Variants in FAM163B observed in about 807,000 individuals in gnomAD.
FAM163B encodes the protein family with sequence similarity 163 member B.
FAM163B carries 4 observed loss-of-function variants against 7.6 expected under a neutral mutation model. That is an observed-to-expected ratio of 0.52 (90% confidence interval 0.26 to 1.20). FAM163B has a LOEUF of 1.20. Among genes scored for constraint, FAM163B ranks in the 50% most tolerant of loss-of-function variants. FAM163B has a pLI of 0.14. For synonymous variants in FAM163B, 120 were observed against 111.6 expected, an observed-to-expected ratio of 1.07 and a Z score of -0.47; for missense variants, 250 against 243.0, an observed-to-expected ratio of 1.03 and a Z score of -0.19.
chr9:133,595,669 C>G (rs1037546498), intron 1 of FAM163B, among the ~76,000 whole-genome samples: 1 of 152,174 alleles, frequency 6.6e-6, no homozygotes, highest in African/African-American at 2.4e-5. Flanking sequence ...TCCACCCGTT[C>G]CCATTCCACC....
chr9:133,598,749 G>A (rs1274372377), intron 1 of FAM163B, among the ~76,000 whole-genome samples: 1 of 152,180 alleles, frequency 6.6e-6, no homozygotes, highest in Non-Finnish European at 1.5e-5. Flanking sequence ...AGAGCAGCCT[G>A]AGAGTTAGAG....
At chr9:133,590,848 G>A (rs1039204483) in intron 1 of FAM163B, among the ~76,000 whole-genome samples, 1 of 152,244 alleles carries the variant, frequency 6.6e-6, no homozygotes, top group Non-Finnish European at 1.5e-5. Flanking sequence ...CGACAGAACA[G>A]CATTCTCGGT....
At position 133,578,043 on chromosome 9, in the gene FAM163B, C is replaced by T. The variant is rs10122343; in HGVS notation, c.*979G>A. Among the ~76,000 whole-genome samples, 108,887 of 151,902 alleles carry T rather than the reference C, an allele frequency of 0.72. 39,248 individuals carry two copies. Among genetic ancestry groups the T allele is most frequent in the Middle Eastern group, 0.8 (235 of 294 alleles). The stretch of plus-strand genomic sequence containing the variant: ...TGGGGATCTCAGTTCCTGTTGAGAC[C>T]CACAGCCTGAAGACCTCTGTCCTCA... On this transcript the variant is annotated 3_prime_UTR_variant, in exon 3 of 3. Transcript: ENST00000673969.
At position 133,606,034 on chromosome 9, in the gene FAM163B, G is replaced by A. The variant is rs1328199749; in HGVS notation, c.-24+3043C>T. Among the ~76,000 whole-genome samples the A allele has an allele frequency of 1.3e-5, 2 of 152,176 alleles. No homozygotes were observed. The highest frequency in any genetic ancestry group is 2.9e-5 in the Non-Finnish European group (2 of 68,034). On this transcript the variant is annotated intron_variant, in intron 1 of 2. Coordinates refer to ENST00000673969, the MANE Select transcript of FAM163B (RefSeq NM_001080515.3). This position sits in a 1 kb window ranked among gnomAD's most constrained non-coding sequence, Gnocchi z 4.0. ...TGGTTCCTGTGGACTGCGGCGGAAAGCCCAACCACTGAGCAGGGCTTACAA... is the reference window on the plus strand; with the variant it reads ...TGGTTCCTGTGGACTGCGGCGGAAAACCCAACCACTGAGCAGGGCTTACAA...
intron 1 of FAM163B, among the ~76,000 whole-genome samples, chr9:133,596,686 C>T (rs377089076): frequency 7.9e-5 from 12 of 152,128 alleles, no homozygotes; most frequent in East Asian, 7.7e-4. Flanking sequence ...CCAAAGTAGC[C>T]GGAGGTCACA....
In FAM163B at chr9:133,579,010, G is replaced by A. The variant is rs778935577; in HGVS notation, c.*12C>T. 1.7e-5 allele frequency: 26 copies of A among 1,493,524 alleles called. 1 individual carries two copies. In the South Asian group the frequency reaches 2.9e-4, roughly 17 times the overall value. The allele number at this position is 1,493,524 out of a possible 1,614,324, so 92.5% of individuals were successfully genotyped here. ...GGACCTTCAAGGCCAGGATCCCGGGGGCGGGCCCAGGTCACACGTCGGTGC... is the reference window on the plus strand; with the variant it reads ...GGACCTTCAAGGCCAGGATCCCGGGAGCGGGCCCAGGTCACACGTCGGTGC... On this transcript the variant is annotated 3_prime_UTR_variant, in exon 3 of 3. Transcript: ENST00000673969.
At position 133,579,030 on chromosome 9, in the gene FAM163B, C is replaced by A. The variant is rs1027102743; in HGVS notation, c.493G>T (p.Asp165Tyr). 5 of 1,541,794 alleles carry A rather than the reference C, an allele frequency of 3.2e-6. No homozygotes were observed. Among genetic ancestry groups the A allele is most frequent in the Admixed American group, 2.0e-5 (1 of 50,588 alleles). Residue 165 changes from aspartate (D) to tyrosine (Y), a missense_variant, in exon 3 of 3, where the codon GAC (aspartate) becomes TAC (tyrosine). Transcript: ENST00000673969. ...CCGGGGGCGGGCCCAGGTCACACGT[C>A]GGTGCTGATGCTGCGGCTCCTGGCG... ...AFARSRSIST[D>Y]V
chr9:133,605,193 A>G (rs1831775249), intron 1 of FAM163B, among the ~76,000 whole-genome samples: 2 of 152,216 alleles, frequency 1.3e-5, no homozygotes, highest in Non-Finnish European at 2.9e-5. Flanking sequence ...CTCTTCTCCC[A>G]GTCTGCTGGC....
At chr9:133,595,352 G>T (rs915549602) in intron 1 of FAM163B, among the ~76,000 whole-genome samples, 1 of 152,184 alleles carries the variant, frequency 6.6e-6, no homozygotes, top group Non-Finnish European at 1.5e-5. Context: ...TGCCATGTTG[G>T]CCAGGCTGTC....
Position 133,579,132 on chromosome 9 carries a change from C to T in FAM163B, c.391G>A (p.Val131Met), listed in dbSNP as rs749785225. The T allele has an allele frequency of 1.6e-4, 265 of 1,608,982 alleles. No homozygotes were observed. The highest frequency in any genetic ancestry group is 2.1e-4 in the Non-Finnish European group (252 of 1,179,706). ...CCGAAGCCCCCCGGGGGCAGCTCCA[C>T]GTCCTCCTGGCTCACGCTCTTGTAG... ...VLYKSVSQEDVELPPGGFGGL... is the reference protein window; with the variant it reads ...VLYKSVSQEDMELPPGGFGGL... The change falls in exon 3 of 3, where the codon GTG becomes ATG. Residue 131 changes from valine to methionine, a missense_variant. Transcript: ENST00000673969.
At chr9:133,590,632 ACT>A (rs1297495249) in intron 1 of FAM163B, among the ~76,000 whole-genome samples, 1 of 152,112 alleles carries the variant, frequency 6.6e-6, no homozygotes, top group Non-Finnish European at 1.5e-5. Context: ...GCCCTCGCTG[ACT>A]CAGCCTTACG....
At position 133,606,437 on chromosome 9, in the gene FAM163B, C is replaced by A. The variant is rs1345096728; in HGVS notation, c.-24+2640G>T. 1.3e-5 allele frequency among the ~76,000 whole-genome samples: 2 copies of A among 152,218 alleles called. No individual in the cohort carries two copies. Among genetic ancestry groups the A allele is most frequent in the African/African-American group, 4.8e-5 (2 of 41,448 alleles). On this transcript the variant is annotated intron_variant, in intron 1 of 2. Coordinates refer to ENST00000673969, the MANE Select transcript of FAM163B (RefSeq NM_001080515.3). The surrounding 1 kb of genome is among the most constrained non-coding windows in gnomAD (Gnocchi z 4.0). ...CAGTGCCAAGTGTGGCAGCAGCTGGCAGAGAAGCCCCCCAGCCCCACCCTG... is the reference window on the plus strand; with the variant it reads ...CAGTGCCAAGTGTGGCAGCAGCTGGAAGAGAAGCCCCCCAGCCCCACCCTG...
In FAM163B at chr9:133,592,005, G is replaced by A. The variant is rs139305014; in HGVS notation, c.-23-11759C>T. Among the ~76,000 whole-genome samples the A allele has an allele frequency of 3.3e-3, 500 of 152,262 alleles. 4 individuals carry two copies. Among genetic ancestry groups the A allele is most frequent in the African/African-American group, 0.011 (475 of 41,530 alleles). On this transcript the variant is annotated intron_variant, in intron 1 of 2. Coordinates refer to ENST00000673969, the MANE Select transcript of FAM163B (RefSeq NM_001080515.3). ...GCCTCGCCTTCTCCAGGAAGCCTGC[G>A]TGACCTCCCTAGTGCTCGCGGCCTG...
At chr9:133,587,405 C>T (rs1359391362) in intron 1 of FAM163B, among the ~76,000 whole-genome samples, 3 of 152,116 alleles carry the variant, frequency 2.0e-5, no homozygotes, top group African/African-American at 7.2e-5. Flanking sequence ...AGGTGATTGT[C>T]CCCCCCTGGC....
chr9:133,584,156 C>G (rs1299770306), intron 1 of FAM163B, among the ~76,000 whole-genome samples: 3 of 152,154 alleles, frequency 2.0e-5, no homozygotes, highest in Non-Finnish European at 2.9e-5. Context: ...CTTCAAACGC[C>G]AGAGCTGAGA....
intron 1 of FAM163B, among the ~76,000 whole-genome samples, chr9:133,594,336 C>T (rs1831600262): frequency 6.6e-6 from 1 of 152,156 alleles, no homozygotes; most frequent in African/African-American, 2.4e-5. Flanking sequence ...GCCCCAATGC[C>T]CTTTAGACTT....
chr9:133,606,803 G>C lies in FAM163B; in HGVS notation c.-24+2274C>G, dbSNP rs1305221206. On this transcript the variant is annotated intron_variant, in intron 1 of 2. Coordinates refer to ENST00000673969, the MANE Select transcript of FAM163B (RefSeq NM_001080515.3). This position sits in a 1 kb window ranked among gnomAD's most constrained non-coding sequence, Gnocchi z 4.0. ...TTTAGAGTCAGAGGTAATTGACTGAGATGTAATACATCTCTCCCCTCCCGA... is the reference window on the plus strand; with the variant it reads ...TTTAGAGTCAGAGGTAATTGACTGACATGTAATACATCTCTCCCCTCCCGA... Among the ~76,000 whole-genome samples the C allele has an allele frequency of 6.6e-6, 1 of 152,164 alleles. No individual in the cohort carries two copies. The highest frequency in any genetic ancestry group is 2.4e-5 in the African/African-American group (1 of 41,442).
intron 1 of FAM163B, among the ~76,000 whole-genome samples, chr9:133,589,555 G>A (rs1478936497): frequency 6.6e-6 from 1 of 152,070 alleles, no homozygotes; most frequent in Non-Finnish European, 1.5e-5. Flanking sequence ...CCCTGCATCA[G>A]ACCTAAGCCC....
intron 1 of FAM163B, among the ~76,000 whole-genome samples, chr9:133,597,959 C>T (rs564988281): frequency 6.6e-6 from 1 of 152,284 alleles, no homozygotes; most frequent in East Asian, 1.9e-4. Context: ...CTAGACTTGT[C>T]CAGGGGACAG....
Sources: allele counts gnomAD v4.1 joint callset (sites outside exome capture counted in the v4.1 genomes callset), GRCh38; gene constraint gnomAD v4.1.1; non-coding constraint Gnocchi (gnomAD v3.1); transcripts MANE v1.5; gene names NCBI Gene and HGNC (gene_info 2026-07-23, HGNC 2026-07-21).